Variants in CEP85L observed in about 807,000 individuals in gnomAD.
CEP85L encodes the protein centrosomal protein 85L, also known as centrosomal protein of 85 kDa-like.
Under a neutral mutation model 100.3 loss-of-function variants are expected in CEP85L, and 60 were observed. The observed-to-expected ratio is 0.60, with a 90% CI of 0.49 to 0.74. CEP85L has a LOEUF of 0.74. Ranked by LOEUF, CEP85L falls within the 30% of genes least tolerant of loss-of-function variation. The pLI, the probability that CEP85L is intolerant of heterozygous loss-of-function variation, is 0.00. For missense variants in CEP85L, 973 were observed against 936.2 expected (o/e 1.04, Z -0.51); for synonymous variants, 319 against 322.7 (o/e 0.99, Z 0.12).
intron 7 of CEP85L, 52 bp downstream of exon 7, chr6:118,483,654 A>C (rs1773958514): frequency 4.5e-6 from 7 of 1,541,576 alleles, no homozygotes; most frequent in Non-Finnish European, 5.3e-6. Flanking sequence ...TTCTAGAGTC[A>C]AGTTAACATG....
At chr6:118,491,599 T>C (rs1344378810) in intron 6 of CEP85L, 87 bp downstream of exon 6, 5 of 1,515,720 alleles carry the variant, frequency 3.3e-6, no homozygotes, top group Non-Finnish European at 4.4e-6. Context: ...TAACCTGGCA[T>C]GACACCTGAC....
At chr6:118,549,732 T>A (rs890935879) in intron 3 of CEP85L, among the ~76,000 whole-genome samples, 3 of 151,934 alleles carry the variant, frequency 2.0e-5, no homozygotes, top group Admixed American at 6.6e-5. Flanking sequence ...TTTATTCAAA[T>A]ATCTATCAAA....
At chr6:118,490,290 A>T (rs1178375775) in intron 6 of CEP85L, among the ~76,000 whole-genome samples, 1 of 152,200 alleles carries the variant, frequency 6.6e-6, no homozygotes, top group Non-Finnish European at 1.5e-5. Context: ...TATAGTTCTG[A>T]ATTATACACT....
At chr6:118,535,595 A>G (rs904736355) in intron 3 of CEP85L, among the ~76,000 whole-genome samples, 6 of 152,186 alleles carry the variant, frequency 3.9e-5, no homozygotes, top group African/African-American at 1.4e-4. Flanking sequence ...GTGTGATGAA[A>G]TCCCACACCA....
intron 1 of CEP85L, among the ~76,000 whole-genome samples, chr6:118,647,385 G>A (rs1054155387): frequency 2.0e-5 from 3 of 152,206 alleles, no homozygotes; most frequent in Non-Finnish European, 4.4e-5. Flanking sequence ...TAAAGAGACA[G>A]AGCCTCACTC....
intron 1 of CEP85L, among the ~76,000 whole-genome samples, chr6:118,695,524 C>G (rs1483957651): frequency 8.5e-5 from 13 of 152,134 alleles, no homozygotes. Context: ...TTCAGTAGTT[C>G]TAGGATGAAA....
intron 2 of CEP85L, among the ~76,000 whole-genome samples, chr6:118,606,616 C>T (rs1772240175): frequency 6.6e-6 from 1 of 152,220 alleles, no homozygotes; most frequent in South Asian, 2.1e-4. Flanking sequence ...CACGTGGTTA[C>T]AAGGTCAAGC....
At chr6:118,649,681 T>C (rs1342413325) in intron 1 of CEP85L, among the ~76,000 whole-genome samples, 1 of 152,084 alleles carries the variant, frequency 6.6e-6, no homozygotes, top group Non-Finnish European at 1.5e-5. Flanking sequence ...GTGAATAATC[T>C]GTAAACTCGG....
At chr6:118,619,595 C>A (rs1023759240) in intron 2 of CEP85L, among the ~76,000 whole-genome samples, 14 of 152,182 alleles carry the variant, frequency 9.2e-5, no homozygotes, top group African/African-American at 3.1e-4. Context: ...AACGTAAACT[C>A]CGCGAACCAG....
chr6:118,608,883 T>C (rs927878995), intron 2 of CEP85L, among the ~76,000 whole-genome samples: 2 of 152,188 alleles, frequency 1.3e-5, no homozygotes, highest in Admixed American at 1.3e-4. Context: ...TTATTAATTA[T>C]GTGTGTTCTT....
At chr6:118,547,991 A>G (rs1418844210) in intron 3 of CEP85L, among the ~76,000 whole-genome samples, 1 of 152,106 alleles carries the variant, frequency 6.6e-6, no homozygotes, top group Non-Finnish European at 1.5e-5. Context: ...TAGCTCTTCA[A>G]CATCTTCACC....
intron 3 of CEP85L, among the ~76,000 whole-genome samples, chr6:118,527,985 A>C (rs140625350): frequency 0.011 from 1,631 of 152,174 alleles, 23 homozygotes; most frequent in African/African-American, 0.038. Context: ...AAATAGGTAG[A>C]TTCTCTATTT....
chr6:118,647,725 G>T (rs9689896), intron 1 of CEP85L, among the ~76,000 whole-genome samples: 103,405 of 152,054 alleles, frequency 0.68, 35,869 homozygotes, highest in Middle Eastern at 0.74. Flanking sequence ...TAGGTATTAG[G>T]AAGTACTCAA....
intron 1 of CEP85L, among the ~76,000 whole-genome samples, chr6:118,671,567 C>T (rs532471428): frequency 6.6e-6 from 1 of 152,268 alleles, no homozygotes; most frequent in Admixed American, 6.5e-5. Context: ...TTTCTCTATT[C>T]TGAAATATCT....
chr6:118,579,024 T>A (rs1780410933), intron 2 of CEP85L, among the ~76,000 whole-genome samples: 1 of 152,094 alleles, frequency 6.6e-6, no homozygotes, highest in Non-Finnish European at 1.5e-5. Flanking sequence ...GCCCCCCAAG[T>A]AGCTGGGACT....
In CEP85L at chr6:118,599,381, T is replaced by C. The variant is rs547283858; in HGVS notation, c.233-33065A>G. Among the ~76,000 whole-genome samples, 14 of 152,282 alleles carry C rather than the reference T, an allele frequency of 9.2e-5. No homozygotes were observed. The East Asian group carries it at 1.3e-3, about 15-fold the overall frequency. Reference sequence around the variant, plus strand: ...GCAAAATTTGAACAACAAAATATTATTACTAAGTCATAATCAAAAATATAA... The same window carrying C: ...GCAAAATTTGAACAACAAAATATTACTACTAAGTCATAATCAAAAATATAA... On this transcript the variant is annotated intron_variant, in intron 2 of 12. Transcript: ENST00000368491.
chr6:118,523,618 G>A (rs1019476003), intron 4 of CEP85L, among the ~76,000 whole-genome samples, 184 bp downstream of exon 4: 1 of 152,174 alleles, frequency 6.6e-6, no homozygotes, highest in Non-Finnish European at 1.5e-5. Context: ...AAATCAGACA[G>A]ATAAACCATC....
intron 3 of CEP85L, among the ~76,000 whole-genome samples, chr6:118,552,856 C>T (rs1778632122): frequency 6.6e-6 from 1 of 152,032 alleles, no homozygotes; most frequent in East Asian, 1.9e-4. Flanking sequence ...ACTCAAGAGA[C>T]AGGAGTCTGG....
chr6:118,638,856 A>T (rs1364141081), intron 1 of CEP85L, among the ~76,000 whole-genome samples: 2 of 152,090 alleles, frequency 1.3e-5, no homozygotes, highest in Non-Finnish European at 2.9e-5. Flanking sequence ...TTACTTCTGA[A>T]GCTCTTTTAT....
Sources: gnomAD v4.1 joint callset for allele counts (sites outside exome capture counted in the v4.1 genomes callset) on GRCh38, gnomAD v4.1.1 for gene constraint, MANE v1.5 for transcripts, NCBI Gene and HGNC (gene_info 2026-07-23, HGNC 2026-07-21) for gene names.